The following MYO9B variants were observed in gnomAD, a reference collection of about 807,000 sequenced individuals.
MYO9B encodes myosin IXB, also known as unconventional myosin-IXb.
Under a neutral mutation model 229.5 loss-of-function variants are expected in MYO9B, and 71 were observed. The observed-to-expected ratio is 0.31, with a 90% CI of 0.26 to 0.38. MYO9B has a LOEUF of 0.38. Among genes scored for constraint, MYO9B ranks in the 10% least tolerant of loss-of-function variants. The pLI, the probability that MYO9B is intolerant of heterozygous loss-of-function variation, is 1.00. For missense variants in MYO9B, 2,255 were observed against 2,920.5 expected, an observed-to-expected ratio of 0.77 and a Z score of 5.25; for synonymous variants, 1,185 against 1,235.8, an observed-to-expected ratio of 0.96 and a Z score of 0.86.
At chr19:17,077,162 T>C (rs1186188977) in intron 1 of MYO9B, among the ~76,000 whole-genome samples, 1 of 152,184 alleles carries the variant, frequency 6.6e-6, no homozygotes, top group African/African-American at 2.4e-5. Context: ...CAGGCCTGGC[T>C]CTTGTGGCCC....
chr19:17,181,034 T>G lies in MYO9B; in HGVS notation c.2327T>G (p.Phe776Cys). The G allele has an allele frequency of 1.5e-5, 24 of 1,606,604 alleles. No individual in the cohort carries two copies. The highest frequency in any genetic ancestry group is 2.0e-5 in the Non-Finnish European group (24 of 1,175,832). ...SLSRLQKPRA[F>C]ILKSKGIKQK... Reference sequence around the variant, plus strand: ...AGTCGGCTCCAGAAACCCCGCGCCTTCATCCTGTGAGTCCCCCACCAAGGC... The same window carrying G: ...AGTCGGCTCCAGAAACCCCGCGCCTGCATCCTGTGAGTCCCCCACCAAGGC... The change falls in exon 15 of 40, where the codon TTC (phenylalanine) becomes TGC (cysteine). Residue 776 changes from phenylalanine (F) to cysteine (C), a missense_variant. Phe to Cys is a radical substitution (Grantham distance 205, BLOSUM62 -2). Coordinates refer to ENST00000682292, the MANE Select transcript of MYO9B (RefSeq NM_004145.4).
chr19:17,076,485 G>A (rs2057485299), intron 1 of MYO9B, among the ~76,000 whole-genome samples: 3 of 152,094 alleles, frequency 2.0e-5, no homozygotes, highest in Admixed American at 2.0e-4. Context: ...CTGAGGGTAG[G>A]CTTAGGGAGG....
At chr19:17,140,110 A>G (rs967106950) in intron 2 of MYO9B, among the ~76,000 whole-genome samples, 2 of 152,160 alleles carry the variant, frequency 1.3e-5, no homozygotes, top group Non-Finnish European at 2.9e-5. Context: ...GGATGGAAAC[A>G]TAGAAGCAGT....
chr19:17,125,236 G>A (rs1161213453), intron 2 of MYO9B, among the ~76,000 whole-genome samples: 1 of 151,878 alleles, frequency 6.6e-6, no homozygotes, highest in East Asian at 1.9e-4. Context: ...GGAAGGCAGA[G>A]GTTGCAGTGA....
chr19:17,162,402 A>T lies in MYO9B; in HGVS notation c.1472A>T (p.Asp491Val). The change falls in exon 9 of 40, where the codon GAC (aspartate) becomes GTC (valine). Residue 491 changes from aspartate to valine, a missense_variant. Asp to Val is a radical substitution (Grantham distance 152, BLOSUM62 -3). Coordinates refer to ENST00000682292, the MANE Select transcript of MYO9B (RefSeq NM_004145.4). ...AAGTCTCTGTACAGCGCCCTGTTCG[A>T]CTGGATTGTGCTGCGGATCAACCAC... ...MAKSLYSALF[D>V]WIVLRINHAL... 6.3e-7 allele frequency: 1 copy of T among 1,589,238 alleles called. No individual in the cohort carries two copies.
chr19:17,145,535 G>C (rs114332791), intron 3 of MYO9B, 44 bp downstream of exon 3: 2 of 1,495,956 alleles, frequency 1.3e-6, no homozygotes, highest in Non-Finnish European at 9.3e-7. Flanking sequence ...CTGGCCCCAC[G>C]CACTGTTGCT....
chr19:17,211,197 T>C (rs1439957314), intron 38 of MYO9B, among the ~76,000 whole-genome samples: 1 of 151,942 alleles, frequency 6.6e-6, no homozygotes, highest in Non-Finnish European at 1.5e-5. Context: ...GCCAGGCTGG[T>C]CTTGAACTCC....
Position 17,138,063 on chromosome 19 carries a change from C to T in MYO9B, c.841-7334C>T, listed in dbSNP as rs145733121. Among the ~76,000 whole-genome samples, 13 of 152,230 alleles carry T rather than the reference C, an allele frequency of 8.5e-5. No individual in the cohort carries two copies. In the East Asian group the frequency reaches 1.9e-3, roughly 23 times the overall value. Reference sequence around the variant, plus strand: ...TTATCCCTCTCCTAGCCCCCTACCCCCTACAGGCCCTGGTGTGTGATGTTC... The same window carrying T: ...TTATCCCTCTCCTAGCCCCCTACCCTCTACAGGCCCTGGTGTGTGATGTTC... On this transcript the variant is annotated intron_variant, in intron 2 of 39. Coordinates refer to ENST00000682292, the MANE Select transcript of MYO9B (RefSeq NM_004145.4).
chr19:17,113,827 C>T (rs938800669), intron 2 of MYO9B, among the ~76,000 whole-genome samples: 10 of 152,050 alleles, frequency 6.6e-5, no homozygotes, highest in African/African-American at 1.4e-4. Flanking sequence ...AGGCAGGAGA[C>T]GGGGCAGGGC....
intron 2 of MYO9B, among the ~76,000 whole-genome samples, chr19:17,110,377 G>T (rs2057835960): frequency 6.6e-6 from 1 of 152,178 alleles, no homozygotes; most frequent in Non-Finnish European, 1.5e-5. Context: ...GCCTCCCAGT[G>T]CAGGCGCCCG....
rs1048403688 is a variant in MYO9B at position 17,163,255 on chromosome 19, A to G, written c.1671+133A>G. On this transcript the variant is annotated intron_variant, in intron 10 of 39. Coordinates refer to ENST00000682292, the MANE Select transcript of MYO9B (RefSeq NM_004145.4). ...CATTCACATATTCGCATTGTTATGC[A>G]AACGCCACCACCATACATCTCCAGA... 5 of 981,190 alleles carry G rather than the reference A, an allele frequency of 5.1e-6. No individual in the cohort carries two copies. In the Admixed American group the frequency reaches 1.0e-4, roughly 21 times the overall value. 60.8% of individuals were successfully genotyped at this position (981,190 alleles called of 1,614,324 possible). A position where few individuals can be genotyped will look rare whatever the true frequency, so the allele number is the denominator to read the frequency against.
rs1258485300 is a variant in MYO9B, at chr19:17,096,631, A to G, written c.-58-5029A>G. Among the ~76,000 whole-genome samples the G allele has an allele frequency of 1.3e-5, 2 of 151,746 alleles. 1 individual carries two copies. The highest frequency in any genetic ancestry group is 4.2e-4 in the South Asian group (2 of 4,814). On this transcript the variant is annotated intron_variant, in intron 1 of 39. Coordinates refer to ENST00000682292, the MANE Select transcript of MYO9B (RefSeq NM_004145.4). The stretch of plus-strand genomic sequence containing the variant: ...AGAGTGAGACCCTGTCTCAAAAAAT[A>G]AAAAAGCAGATGAGCTGCCTCGTTC...
At chr19:17,147,754 C>T (rs554250951) in intron 3 of MYO9B, among the ~76,000 whole-genome samples, 28 of 128,312 alleles carry the variant, frequency 2.2e-4, no homozygotes, top group African/African-American at 7.7e-4. Context: ...GGCGTGATCT[C>T]GGCTCACCGC....
rs1480158333 is a variant in MYO9B, at chr19:17,102,256, G to C, written c.539G>C (p.Gly180Ala). 9 of 1,614,012 alleles carry C rather than the reference G, an allele frequency of 5.6e-6. No individual in the cohort carries two copies. In the East Asian group the frequency reaches 2.0e-4, roughly 36 times the overall value. ...CAACAAAAGATCTACACGTACGCGGGGAGCATCCTGGTGGCCATCAACCCC... is the reference window on the plus strand; with the variant it reads ...CAACAAAAGATCTACACGTACGCGGCGAGCATCCTGGTGGCCATCAACCCC... ...FLQQKIYTYAGSILVAINPFK... is the reference protein window; with the variant it reads ...FLQQKIYTYAASILVAINPFK... The change falls in exon 2 of 40, where the codon GGG becomes GCG. Residue 180 changes from glycine (G) to alanine (A), a missense_variant. Physicochemically the swap from Gly to Ala is moderately conservative, Grantham distance 60 (BLOSUM62 0). Transcript: ENST00000682292.
rs1388325088 is a variant in MYO9B, at chr19:17,202,186, C to G, written c.4719C>G (p.Val1573=). The G allele has an allele frequency of 6.2e-7, 1 of 1,613,670 alleles. No homozygotes were observed. The highest frequency in any genetic ancestry group is 8.5e-7 in the Non-Finnish European group (1 of 1,179,778). The part of the protein sequence containing the change: ...KDLMENYQIV[V]SNLATERGQK... Reference sequence around the variant, plus strand: ...TGATGGAGAACTACCAGATCGTCGTCAGCAACCTGGCCACTGAGCGTGGCC... The same window carrying G: ...TGATGGAGAACTACCAGATCGTCGTGAGCAACCTGGCCACTGAGCGTGGCC... Residue 1573 remains valine, a synonymous_variant, in exon 28 of 40, where the codon GTC becomes GTG. Transcript: ENST00000682292.
chr19:17,187,870 G>T (rs7249926), intron 18 of MYO9B, 65 bp from the exon 19 acceptor site: 1 of 1,386,114 alleles, frequency 7.2e-7, no homozygotes, highest in Non-Finnish European at 1.0e-6. Context: ...GCCTGAGCCA[G>T]CAACAGACTT....
At chr19:17,205,162 A>AG in intron 30 of MYO9B, 101 bp from the exon 31 acceptor site, 4 of 823,464 alleles carry the variant, frequency 4.9e-6, no homozygotes, top group East Asian at 2.7e-5. Context: ...AAAAAAAAAA[A>AG]AAAAGAAGGC....
Position 17,181,686 on chromosome 19 carries a change from C to T in MYO9B, c.2333+646C>T, listed in dbSNP as rs577550492. Among the ~76,000 whole-genome samples the T allele has an allele frequency of 5.3e-5, 8 of 152,352 alleles. 1 individual carries two copies. The highest frequency in any genetic ancestry group is 1.9e-4 in the African/African-American group (8 of 41,590). On this transcript the variant is annotated intron_variant, in intron 15 of 39. Coordinates refer to ENST00000682292, the MANE Select transcript of MYO9B (RefSeq NM_004145.4). ...CTTTTAGTGGCCATTGGGGTGTGGG[C>T]TGGCTGAGAGCAAAGCTTGCACCTG...
intron 24 of MYO9B, among the ~76,000 whole-genome samples, 164 bp downstream of exon 24, chr19:17,198,472 C>T (rs1416039678): frequency 1.3e-5 from 2 of 152,178 alleles, no homozygotes; most frequent in Non-Finnish European, 1.5e-5. Flanking sequence ...CAGTGGCTCA[C>T]GCCTATAATC....
Sources: gnomAD v4.1 joint callset for allele counts (sites outside exome capture counted in the v4.1 genomes callset) on GRCh38, gnomAD v4.1.1 for gene constraint, MANE v1.5 for transcripts, NCBI Gene and HGNC (gene_info 2026-07-23, HGNC 2026-07-21) for gene names.